Variants in IL1RAPL1 observed in about 807,000 individuals in gnomAD.
The protein encoded by IL1RAPL1 is interleukin 1 receptor accessory protein like 1.
In IL1RAPL1, 3 loss-of-function variants were observed where a neutral mutation model predicts 48.4. That is an observed-to-expected ratio of 0.06 (90% CI 0.03 to 0.16). IL1RAPL1 has a LOEUF of 0.16. IL1RAPL1 is among the 10% of genes least tolerant of loss of function. IL1RAPL1 has a pLI of 1.00. For synonymous variants in IL1RAPL1, 185 were observed against 187.7 expected, an observed-to-expected ratio of 0.99 and a Z score of 0.12; for missense variants, 349 against 530.6, an observed-to-expected ratio of 0.66 and a Z score of 3.36.
At chrX:29,229,477 T>A (rs993442998) in intron 2 of IL1RAPL1, among the ~76,000 whole-genome samples, 1 of 112,181 alleles carries the variant, frequency 8.9e-6, no homozygotes, top group African/African-American at 3.2e-5. Context: ...GAATAATTCA[T>A]TCTATCTCAA....
chrX:29,290,029 C>G (rs1318361798), intron 3 of IL1RAPL1, among the ~76,000 whole-genome samples: 1 of 111,396 alleles, frequency 9.0e-6, no homozygotes, highest in Non-Finnish European at 1.9e-5. Context: ...ATTGAAAGAA[C>G]ACAGTAAGTA....
At chrX:29,155,186 T>A (rs762614587) in intron 2 of IL1RAPL1, among the ~76,000 whole-genome samples, 51 of 110,326 alleles carry the variant, frequency 4.6e-4, no homozygotes, top group Non-Finnish European at 8.0e-4. Flanking sequence ...CCTGGCTAAT[T>A]TTTTTAGTGG....
At chrX:28,968,338 C>T (rs984367598) in intron 2 of IL1RAPL1, among the ~76,000 whole-genome samples, 2 of 110,865 alleles carry the variant, frequency 1.8e-5, no homozygotes, top group Non-Finnish European at 3.8e-5. Flanking sequence ...AAAGTAACAT[C>T]AGGTATAAGG....
chrX:29,032,277 A>G (rs1926636415), intron 2 of IL1RAPL1, among the ~76,000 whole-genome samples: 1 of 112,090 alleles, frequency 8.9e-6, no homozygotes, highest in Non-Finnish European at 1.9e-5. Flanking sequence ...TTAACCCTCT[A>G]TGTTGGTGAT....
At chrX:28,875,345 T>G (rs2147311053) in intron 2 of IL1RAPL1, among the ~76,000 whole-genome samples, 1 of 112,435 alleles carries the variant, frequency 8.9e-6, no homozygotes, top group African/African-American at 3.2e-5. Flanking sequence ...GTTGTGCTTC[T>G]GATGACTTTG....
At chrX:28,627,378 G>A (rs1021987023) in intron 1 of IL1RAPL1, among the ~76,000 whole-genome samples, 2 of 111,720 alleles carry the variant, frequency 1.8e-5, no homozygotes, top group African/African-American at 6.5e-5. Context: ...TCTGTCGCTC[G>A]CTAATGCAGC....
intron 5 of IL1RAPL1, among the ~76,000 whole-genome samples, chrX:29,533,505 T>C (rs186027523): frequency 8.0e-5 from 9 of 112,677 alleles, no homozygotes; most frequent in Non-Finnish European, 7.5e-5. Context: ...CATCAGTTGA[T>C]AGACATATCA....
chrX:28,808,320 A>G (rs2147274668), intron 2 of IL1RAPL1, among the ~76,000 whole-genome samples: 1 of 111,315 alleles, frequency 9.0e-6, no homozygotes, highest in South Asian at 3.7e-4. Context: ...TTATGCCACC[A>G]TGTGGTTATA....
intron 5 of IL1RAPL1, among the ~76,000 whole-genome samples, chrX:29,622,787 G>T (rs927735770): frequency 9.0e-6 from 1 of 111,055 alleles, no homozygotes; most frequent in South Asian, 3.7e-4. Context: ...GACATATATT[G>T]TACTATTAGA....
At chrX:28,686,109 T>A (rs1935106950) in intron 1 of IL1RAPL1, among the ~76,000 whole-genome samples, 1 of 112,102 alleles carries the variant, frequency 8.9e-6, no homozygotes, top group Admixed American at 9.5e-5. Context: ...CTTGGGATCA[T>A]GTGTTGTGCA....
chrX:28,725,507 G>C lies in IL1RAPL1; in HGVS notation c.-24-63813G>C, dbSNP rs750250628. Among the ~76,000 whole-genome samples the C allele has an allele frequency of 2.7e-5, 3 of 111,989 alleles. No individual in the cohort carries two copies. In the South Asian group the frequency reaches 1.1e-3, roughly 41 times the overall value. On this transcript the variant is annotated intron_variant, in intron 1 of 10. Coordinates refer to ENST00000378993, the MANE Select transcript of IL1RAPL1 (RefSeq NM_014271.4). Reference sequence around the variant, plus strand: ...AGAATACGCATAGGTCAAGGCATGGGATAGGGATTGTATGGAGCTTCCATA... The same window carrying C: ...AGAATACGCATAGGTCAAGGCATGGCATAGGGATTGTATGGAGCTTCCATA...
intron 3 of IL1RAPL1, among the ~76,000 whole-genome samples, chrX:29,357,059 A>G (rs974834770): frequency 1.8e-5 from 2 of 112,316 alleles, no homozygotes; most frequent in African/African-American, 3.2e-5. Flanking sequence ...CCTGTACTAC[A>G]TGATAATTTG....
At chrX:29,717,203 TACACACAC>T (rs61417683) in intron 6 of IL1RAPL1, among the ~76,000 whole-genome samples, 2 of 95,528 alleles carry the variant, frequency 2.1e-5, no homozygotes, top group Non-Finnish European at 4.2e-5. Context: ...AGAGCCAGAT[TACACACAC>T]ACACACACAC....
chrX:29,068,367 G>GA (rs954731921), intron 2 of IL1RAPL1, among the ~76,000 whole-genome samples: 1 of 112,134 alleles, frequency 8.9e-6, no homozygotes, highest in African/African-American at 3.2e-5. Flanking sequence ...AAATGAGTGA[G>GA]AAGTGGTTTC....
intron 5 of IL1RAPL1, among the ~76,000 whole-genome samples, chrX:29,645,919 G>A (rs187013043): frequency 2.1e-4 from 24 of 112,101 alleles, no homozygotes; most frequent in Admixed American, 6.6e-4. Context: ...GAACCATACC[G>A]GACAACCTTT....
At chrX:29,654,931 A>G (rs747126049) in intron 5 of IL1RAPL1, among the ~76,000 whole-genome samples, 118 of 112,187 alleles carry the variant, frequency 1.1e-3, no homozygotes, top group African/African-American at 3.8e-3. Flanking sequence ...ATAGTTTTAT[A>G]TTTATAAACC....
chrX:28,930,650 T>A (rs1923854990), intron 2 of IL1RAPL1, among the ~76,000 whole-genome samples: 1 of 112,089 alleles, frequency 8.9e-6, no homozygotes. Flanking sequence ...TTTTATTTAT[T>A]TATTTTTTTG....
intron 1 of IL1RAPL1, among the ~76,000 whole-genome samples, chrX:28,781,704 G>A (rs750700016): frequency 9.0e-6 from 1 of 110,933 alleles, no homozygotes; most frequent in East Asian, 2.8e-4. Flanking sequence ...ACAAGGGAGT[G>A]GAAGTCTTGG....
intron 3 of IL1RAPL1, among the ~76,000 whole-genome samples, chrX:29,359,951 C>T (rs1933354926): frequency 9.0e-6 from 1 of 111,043 alleles, no homozygotes. Context: ...AAAGATCCCT[C>T]AAGTACCAGA....
Sources: allele counts gnomAD v4.1 joint callset (sites outside exome capture counted in the v4.1 genomes callset), GRCh38; gene constraint gnomAD v4.1.1; transcripts MANE v1.5; gene names NCBI Gene and HGNC (gene_info 2026-07-23, HGNC 2026-07-21).